ZP3: variants seen among roughly 807,000 people sequenced by gnomAD.
ZP3 encodes zona pellucida sperm-binding protein 3.
Under a neutral mutation model 35.6 loss-of-function variants are expected in ZP3, and 21 were observed. The observed-to-expected ratio is 0.59, with a 90% CI of 0.42 to 0.85. ZP3 has a LOEUF of 0.85. Among genes scored for constraint, ZP3 ranks in the 40% least tolerant of loss-of-function variants. ZP3 has a pLI of 0.00. For synonymous variants in ZP3, 207 were observed against 214.5 expected, an observed-to-expected ratio of 0.96 and a Z score of 0.31; for missense variants, 437 against 536.5, an observed-to-expected ratio of 0.81 and a Z score of 1.83.
intron 1 of ZP3, among the ~76,000 whole-genome samples, chr7:76,414,234 C>T (rs1446201399): frequency 6.6e-6 from 1 of 151,860 alleles, no homozygotes; most frequent in Non-Finnish European, 1.5e-5. Context: ...TGGCCTCAAG[C>T]GGTCCGCCTG....
intron 1 of ZP3, among the ~76,000 whole-genome samples, chr7:76,418,697 ATACAAAAAAT>A (rs1182489212): frequency 1.3e-5 from 2 of 151,918 alleles, no homozygotes; most frequent in Non-Finnish European, 2.9e-5. Context: ...TCTACTAAAA[ATACAAAAAAT>A]TAGCCGGGCG....
chr7:76,440,023 T>C (rs1806147414), intron 5 of ZP3: 1 of 526,066 alleles, frequency 1.9e-6, no homozygotes. Context: ...AACTTTGTAT[T>C]TTTAGTAGCG....
chr7:76,400,976 G>A (rs1420554556), intron 1 of ZP3: 2 of 1,551,236 alleles, frequency 1.3e-6, no homozygotes, highest in Non-Finnish European at 1.7e-6. Context: ...GCGGACAGGT[G>A]AGGGTGAGGA....
At chr7:76,416,797 T>C (rs1805379468) in intron 1 of ZP3, among the ~76,000 whole-genome samples, 3 of 110,414 alleles carry the variant, frequency 2.7e-5, no homozygotes, top group South Asian at 5.9e-4. Flanking sequence ...GGATGCTGTC[T>C]CTCTCTCTCT....
chr7:76,402,718 A>G (rs58483334), intron 1 of ZP3, among the ~76,000 whole-genome samples: 27,770 of 151,990 alleles, frequency 0.18, 2,778 homozygotes, highest in South Asian at 0.25. Context: ...TGCCCAGGCT[A>G]GAGTGCAATG....
At position 76,440,535 on chromosome 7, in the gene ZP3, C is replaced by T. The variant is rs1225360409; in HGVS notation, c.984C>T (p.Gly328=). Residue 328 remains glycine (G), a synonymous_variant, in exon 7 of 8, where the codon GGC becomes GGT. Coordinates refer to ENST00000394857, the MANE Select transcript of ZP3 (RefSeq NM_001110354.2). ...ICQCCNKGDC[G]TPSHSRRQPH... ...AATGCTGTAACAAAGGTGACTGTGG[C>T]ACTCCAAGCCATTCCAGGAGGCAGC... The T allele has an allele frequency of 5.6e-6, 9 of 1,614,170 alleles. No homozygotes were observed. Among genetic ancestry groups the T allele is most frequent in the African/African-American group, 1.3e-5 (1 of 75,056 alleles).
chr7:76,425,401 T>A, intron 1 of ZP3, 125 bp downstream of exon 1: 1 of 1,075,974 alleles, frequency 9.3e-7, no homozygotes, highest in Non-Finnish European at 1.3e-6. Context: ...GGTGGGGAGG[T>A]GGCCCAGTTG....
At chr7:76,433,819 C>T in intron 4 of ZP3, 172 bp downstream of exon 4, 2 of 1,023,892 alleles carry the variant, frequency 2.0e-6, no homozygotes, top group Non-Finnish European at 2.9e-6. Flanking sequence ...CTGCCTCAGC[C>T]CCCCAAGTAG....
intron 5 of ZP3, among the ~76,000 whole-genome samples, chr7:76,435,856 C>G (rs988455834): frequency 6.6e-6 from 1 of 151,470 alleles, no homozygotes; most frequent in Non-Finnish European, 1.5e-5. Context: ...TCCTGAGTAG[C>G]TGGGATTGTA....
chr7:76,400,696 C>CG (rs1804793726), intron 1 of ZP3: 1 of 1,255,076 alleles, frequency 8.0e-7, no homozygotes, highest in East Asian at 2.7e-5. Flanking sequence ...TTGGTAGAGA[C>CG]GGGGTCTCAC....
chr7:76,405,001 T>C (rs1804952993), intron 1 of ZP3, among the ~76,000 whole-genome samples: 3 of 150,628 alleles, frequency 2.0e-5, no homozygotes, highest in Non-Finnish European at 4.4e-5. Context: ...ACCCGGGAGG[T>C]AGAAGTTGCA....
intron 1 of ZP3, among the ~76,000 whole-genome samples, chr7:76,407,633 T>A (rs950940253): frequency 2.0e-5 from 3 of 152,042 alleles, no homozygotes; most frequent in Admixed American, 2.0e-4. Context: ...TTTGGGAGGC[T>A]AAGGCAGGAG....
At chr7:76,421,226 G>A (rs763543958), upstream of ZP3, among the ~76,000 whole-genome samples, 8 of 151,938 alleles carry the variant, frequency 5.3e-5, no homozygotes, top group Non-Finnish European at 8.8e-5. Context: ...GAGCCACTGC[G>A]CCCCGCCATT....
chr7:76,398,488 A>T (rs1038960076), intron 1 of ZP3, among the ~76,000 whole-genome samples: 8 of 151,968 alleles, frequency 5.3e-5, no homozygotes, highest in African/African-American at 1.9e-4. Context: ...TATTTTTTGT[A>T]GAGACAGGGT....
chr7:76,429,342 C>G, intron 1 of ZP3, 173 bp from the exon 2 acceptor site: 1 of 623,972 alleles, frequency 1.6e-6, no homozygotes, highest in South Asian at 1.8e-5. Flanking sequence ...TGGCCTCAAG[C>G]AATCCTTGGC....
intron 5 of ZP3, among the ~76,000 whole-genome samples, chr7:76,436,155 G>A (rs553442788): frequency 4.4e-5 from 6 of 135,608 alleles, no homozygotes; most frequent in South Asian, 2.5e-4. Flanking sequence ...AGGCTCAAGC[G>A]ATTCTCCTGC....
intron 1 of ZP3, among the ~76,000 whole-genome samples, chr7:76,426,169 T>G (rs1226695507): frequency 6.6e-6 from 1 of 151,286 alleles, no homozygotes; most frequent in Non-Finnish European, 1.5e-5. Flanking sequence ...AAAGCATCAG[T>G]GGGTCCCTGG....
chr7:76,433,996 G>GC (rs1805915919), intron 4 of ZP3, 42 bp from the exon 5 acceptor site: 1 of 1,333,964 alleles, frequency 7.5e-7, no homozygotes, highest in South Asian at 1.3e-5. Flanking sequence ...ACGGTGCCCG[G>GC]CCCACCTGTC....
intron 1 of ZP3, chr7:76,400,566 G>A: frequency 1.3e-6 from 2 of 1,489,786 alleles, no homozygotes; most frequent in Non-Finnish European, 1.8e-6. Flanking sequence ...CCCGGCAGCG[G>A]CTGGGGCCCC....
Sources: gnomAD v4.1 joint callset for allele counts (sites outside exome capture counted in the v4.1 genomes callset) on GRCh38, gnomAD v4.1.1 for gene constraint, MANE v1.5 for transcripts, NCBI Gene and HGNC (gene_info 2026-07-23, HGNC 2026-07-21) for gene names.